KRCC1: variants seen among roughly 807,000 people sequenced by gnomAD.
KRCC1 encodes the protein lysine-rich coiled-coil protein 1.
In KRCC1, 3 loss-of-function variants were observed where a neutral mutation model predicts 7.4. The observed-to-expected ratio is 0.40, with a 90% CI of 0.18 to 1.04. The LOEUF (loss-of-function observed/expected upper bound fraction) is 1.04, where lower values mean the gene tolerates loss of function less well. Among genes scored for constraint, KRCC1 ranks in the 50% least tolerant of loss-of-function variants. The probability of loss-of-function intolerance (pLI) is 0.33; values close to 1 mark genes in which losing one functional copy is unlikely to be tolerated. For missense variants in KRCC1, 277 were observed against 300.9 expected (o/e 0.92, Z 0.59); for synonymous variants, 102 against 101.6 (o/e 1.00, Z -0.02).
chr2:88,048,648 T>C (rs1414262511), intron 1 of KRCC1, among the ~76,000 whole-genome samples: 3 of 152,230 alleles, frequency 2.0e-5, no homozygotes, highest in Non-Finnish European at 4.4e-5. Context: ...GACAGTATTA[T>C]TTCTTGCCAA....
rs2104599526 is a variant in KRCC1, at chr2:88,027,920, T to C, written c.644A>G (p.Lys215Arg). 1.2e-6 allele frequency: 2 copies of C among 1,614,112 alleles called. No homozygotes were observed. The highest frequency in any genetic ancestry group is 4.5e-5 in the East Asian group (2 of 44,890). The change falls in exon 4 of 4, where the codon AAG (lysine) becomes AGG (arginine). Residue 215 changes from lysine to arginine, a missense_variant. Lys to Arg is a conservative substitution (Grantham distance 26). Coordinates refer to ENST00000347055, the MANE Select transcript of KRCC1 (RefSeq NM_016618.3). ...TCGGCTTTTTTTCTCCTTTCGATTCTTAAGCTTTTCTGTACTGACATGTAC... is the reference window on the plus strand; with the variant it reads ...TCGGCTTTTTTTCTCCTTTCGATTCCTAAGCTTTTCTGTACTGACATGTAC... Reference protein sequence around the residue: ...ETVHVSTEKLKNRKEKKSRDV... With the variant: ...ETVHVSTEKLRNRKEKKSRDV...
At chr2:88,046,008 T>C (rs950498930) in intron 1 of KRCC1, among the ~76,000 whole-genome samples, 4 of 152,186 alleles carry the variant, frequency 2.6e-5, no homozygotes, top group African/African-American at 9.7e-5. Context: ...TGTGTGGAGT[T>C]TATTATAAGT....
intron 2 of KRCC1, among the ~76,000 whole-genome samples, chr2:88,034,721 T>C (rs1271676238): frequency 6.6e-6 from 1 of 152,202 alleles, no homozygotes; most frequent in Non-Finnish European, 1.5e-5. Flanking sequence ...AGTCACCTTC[T>C]TGTGCAATAG....
intron 1 of KRCC1, among the ~76,000 whole-genome samples, chr2:88,051,020 T>C (rs1243004855): frequency 6.6e-6 from 1 of 151,544 alleles, no homozygotes; most frequent in Non-Finnish European, 1.5e-5. Context: ...ACCTCCTGGA[T>C]TCAAGCAGTC....
At chr2:88,044,584 T>C (rs917202807) in intron 1 of KRCC1, among the ~76,000 whole-genome samples, 2 of 152,172 alleles carry the variant, frequency 1.3e-5, no homozygotes, top group Non-Finnish European at 2.9e-5. Flanking sequence ...AAAGAATATA[T>C]ACTAATGACT....
intron 3 of KRCC1, among the ~76,000 whole-genome samples, chr2:88,032,066 T>C (rs1032184343): frequency 6.6e-6 from 1 of 151,956 alleles, no homozygotes; most frequent in African/African-American, 2.4e-5. Flanking sequence ...TGCTTGAACC[T>C]GGGAGGCGGA....
At chr2:88,053,102 T>C (rs1034839742) in intron 1 of KRCC1, among the ~76,000 whole-genome samples, 1 of 152,010 alleles carries the variant, frequency 6.6e-6, no homozygotes, top group Non-Finnish European at 1.5e-5. Flanking sequence ...ATCTCCGCAT[T>C]ATCAGAGGTC....
intron 1 of KRCC1, among the ~76,000 whole-genome samples, chr2:88,038,023 T>C (rs1394075309): frequency 6.6e-6 from 1 of 152,178 alleles, no homozygotes; most frequent in Non-Finnish European, 1.5e-5. Context: ...ACACGGCAGT[T>C]TAAATGGATG....
intron 1 of KRCC1, among the ~76,000 whole-genome samples, chr2:88,042,499 G>C (rs1029176192): frequency 6.7e-6 from 1 of 150,210 alleles, no homozygotes; most frequent in Non-Finnish European, 1.5e-5. Context: ...GCTCGCTGCA[G>C]CCTTAACTCC....
At chr2:88,040,772 AC>A (rs1331870218) in intron 1 of KRCC1, among the ~76,000 whole-genome samples, 5 of 152,222 alleles carry the variant, frequency 3.3e-5, no homozygotes, top group Admixed American at 1.3e-4. Context: ...ATGATGCAAG[AC>A]AAAAATGTGT....
chr2:88,032,301 C>T (rs991719605), intron 3 of KRCC1, among the ~76,000 whole-genome samples: 1 of 152,110 alleles, frequency 6.6e-6, no homozygotes, highest in African/African-American at 2.4e-5. Flanking sequence ...ATGCTAAATG[C>T]CCCACACAAG....
At chr2:88,054,904 G>A (rs544857705) in intron 1 of KRCC1, among the ~76,000 whole-genome samples, 14 of 152,324 alleles carry the variant, frequency 9.2e-5, no homozygotes, top group Admixed American at 2.0e-4. Context: ...AGGAGCTGGA[G>A]GCTGCAGCGA....
At chr2:88,052,092 C>G (rs1229000275) in intron 1 of KRCC1, among the ~76,000 whole-genome samples, 2 of 152,224 alleles carry the variant, frequency 1.3e-5, no homozygotes, top group Non-Finnish European at 2.9e-5. Flanking sequence ...GCCAAAATCC[C>G]AATTGCAGGA....
At chr2:88,034,329 AATTCAAAGTTT>A (rs1274599306) in intron 2 of KRCC1, 37 bp from the exon 3 acceptor site, 5 of 152,464 alleles carry the variant, frequency 3.3e-5, no homozygotes, top group Admixed American at 3.3e-4. Context: ...AAGATTAAAT[AATTCAAAGTTT>A]ATAATCACAT....
rs77199896 is a variant in KRCC1, at chr2:88,052,251, A to G, written c.-291+3375T>C. On this transcript the variant is annotated intron_variant, in intron 1 of 3. Transcript: ENST00000347055. ...TTTTAAAAAAATAATTCACCATGCT[A>G]TGTATTTCATCTTTGCATCATGTCC... Among the ~76,000 whole-genome samples the G allele has an allele frequency of 1.0e-2, 1,523 of 152,316 alleles. 43 individuals are homozygous for G. The East Asian group carries it at 0.11, about 11-fold the overall frequency.
At chr2:88,048,410 C>A (rs1171401657) in intron 1 of KRCC1, among the ~76,000 whole-genome samples, 3 of 152,050 alleles carry the variant, frequency 2.0e-5, no homozygotes, top group African/African-American at 7.2e-5. Flanking sequence ...CTAAAAGTAT[C>A]TTATGTTTTA....
intron 1 of KRCC1, among the ~76,000 whole-genome samples, chr2:88,041,147 T>C (rs948823899): frequency 2.0e-5 from 3 of 152,092 alleles, no homozygotes; most frequent in Non-Finnish European, 2.9e-5. Flanking sequence ...ACCAAAAAAG[T>C]AGCAGAGCTA....
At chr2:88,050,348 C>T (rs183181855) in intron 1 of KRCC1, among the ~76,000 whole-genome samples, 3 of 152,136 alleles carry the variant, frequency 2.0e-5, no homozygotes, top group South Asian at 2.1e-4. Context: ...GAGCTGGGTG[C>T]GGTGGTTCAC....
At position 88,027,413 on chromosome 2, in the gene KRCC1, C is replaced by CA. The variant is rs1215439816; in HGVS notation, c.*370dup. ...GAAAAACCAATGAACATAAAATACC[C>CA]AACTCAAAACTATAACAAACCCAAT... is the stretch of plus-strand genomic sequence containing the variant. On this transcript the variant is annotated 3_prime_UTR_variant, in exon 4 of 4. Transcript: ENST00000347055. 1 of 167,586 alleles carries CA rather than the reference C, an allele frequency of 6.0e-6. No homozygotes were observed. Among genetic ancestry groups the CA allele is most frequent in the African/African-American group, 2.4e-5 (1 of 41,996 alleles). The allele number at this position is 167,586 out of a possible 1,614,324, so 10.4% of individuals were successfully genotyped here. A position where few individuals can be genotyped will look rare whatever the true frequency, so the allele number is the denominator to read the frequency against.
Sources: gnomAD v4.1 joint callset for allele counts (sites outside exome capture counted in the v4.1 genomes callset) on GRCh38, gnomAD v4.1.1 for gene constraint, MANE v1.5 for transcripts, NCBI Gene and HGNC (gene_info 2026-07-23, HGNC 2026-07-21) for gene names.